Variants in FOXN3 observed in about 807,000 individuals in gnomAD.
FOXN3 encodes forkhead box protein N3.
Under a neutral mutation model 38.4 loss-of-function variants are expected in FOXN3, and 7 were observed. The ratio of observed to expected loss-of-function variants is 0.18; its 90% CI spans 0.10 to 0.34. The LOEUF (loss-of-function observed/expected upper bound fraction) is 0.34. Ranked by LOEUF, FOXN3 falls within the 10% of genes least tolerant of loss-of-function variation. The pLI, the probability that FOXN3 is intolerant of heterozygous loss-of-function variation, is 1.00. For missense variants in FOXN3, 456 were observed against 613.4 expected, an observed-to-expected ratio of 0.74 and a Z score of 2.71; for synonymous variants, 230 against 242.2, an observed-to-expected ratio of 0.95 and a Z score of 0.47.
intron 2 of FOXN3, among the ~76,000 whole-genome samples, chr14:89,376,631 G>A (rs77595069): frequency 0.025 from 3,731 of 152,174 alleles, 156 homozygotes; most frequent in African/African-American, 0.086. Context: ...ACCCTTGGCC[G>A]CTGATCAGAC....
rs1596210394 is a variant in FOXN3, at chr14:89,356,078, A to C, written c.544-5270T>G. Among the ~76,000 whole-genome samples the C allele has an allele frequency of 1.3e-5, 2 of 152,320 alleles. 1 individual carries two copies. The stretch of plus-strand genomic sequence containing the variant: ...AAGAAAAAAGAAAAAAGGACCAAAA[A>C]AAAAAAAGTATGATTTTTAGACTTT... On this transcript the variant is annotated intron_variant, in intron 2 of 5. Transcript: ENST00000557258.
At chr14:89,506,095 C>A (rs539670962) in intron 1 of FOXN3, among the ~76,000 whole-genome samples, 9,864 of 140,752 alleles carry the variant, frequency 0.07, 436 homozygotes, top group African/African-American at 0.17. Context: ...CCCGCCCGGC[C>A]AGCCGCCCCG....
At chr14:89,211,559 G>A (rs1884093902) in intron 4 of FOXN3, among the ~76,000 whole-genome samples, 2 of 152,240 alleles carry the variant, frequency 1.3e-5, no homozygotes, top group African/African-American at 4.8e-5. Flanking sequence ...TAGGTGGTCA[G>A]TCCACAGGAA....
chr14:89,480,540 T>TTCCTTTCCGGAGTCTCTCATTTTC (rs1893305594), intron 1 of FOXN3, among the ~76,000 whole-genome samples: 1 of 152,196 alleles, frequency 6.6e-6, no homozygotes. Context: ...GATTTCTTTT[T>TTCCTTTCCGGAGTCTCTCATTTTC]TCCTTTCCGG....
intron 1 of FOXN3, among the ~76,000 whole-genome samples, chr14:89,607,096 A>T (rs1032515013): frequency 1.3e-5 from 2 of 152,236 alleles, no homozygotes; most frequent in East Asian, 3.9e-4. Context: ...AATATTAAAT[A>T]TCAGTGAGAA....
At chr14:89,520,089 C>G (rs1225678554) in intron 1 of FOXN3, among the ~76,000 whole-genome samples, 1 of 151,066 alleles carries the variant, frequency 6.6e-6, no homozygotes, top group Non-Finnish European at 1.5e-5. Context: ...GCGCGGATCA[C>G]TGCAGCCTCC....
chr14:89,312,679 C>T (rs1470213502), intron 3 of FOXN3, among the ~76,000 whole-genome samples: 2 of 152,172 alleles, frequency 1.3e-5, no homozygotes, highest in African/African-American at 4.8e-5. Flanking sequence ...GTCTTACAAT[C>T]CCACCACACC....
chr14:89,204,052 TACACACAC>T (rs10559428), intron 4 of FOXN3, among the ~76,000 whole-genome samples: 20,849 of 133,500 alleles, frequency 0.16, 1,583 homozygotes, highest in East Asian at 0.2. Flanking sequence ...CATACTCCCT[TACACACAC>T]ACACACACAC....
intron 1 of FOXN3, among the ~76,000 whole-genome samples, chr14:89,545,986 A>C (rs1404706909): frequency 6.6e-6 from 1 of 152,190 alleles, no homozygotes; most frequent in Non-Finnish European, 1.5e-5. Context: ...CTAGGTTCTT[A>C]TTCACAGAGT....
intron 1 of FOXN3, among the ~76,000 whole-genome samples, chr14:89,553,241 A>C (rs938321223): frequency 7.4e-5 from 4 of 53,980 alleles, no homozygotes; most frequent in Middle Eastern, 0.016. Context: ...CCTGTCCCAA[A>C]AAAAAAAAAA....
intron 1 of FOXN3, among the ~76,000 whole-genome samples, chr14:89,482,552 T>C (rs1893354837): frequency 1.3e-5 from 2 of 151,796 alleles, no homozygotes; most frequent in South Asian, 4.2e-4. Context: ...AGTTCAAGGC[T>C]GCAGTAAGCC....
chr14:89,337,513 G>C (rs1195805130), intron 3 of FOXN3, among the ~76,000 whole-genome samples: 1 of 152,212 alleles, frequency 6.6e-6, no homozygotes, highest in African/African-American at 2.4e-5. Context: ...TCAAGTGCCA[G>C]TTCCGCAGAA....
At chr14:89,363,947 A>AATATATATATATATTATATAT in intron 2 of FOXN3, among the ~76,000 whole-genome samples, 1 of 111,366 alleles carries the variant, frequency 9.0e-6, no homozygotes, top group African/African-American at 5.2e-5. Flanking sequence ...CTGTCTGTAA[A>AATATATATATATATTATATAT]ATATATATAT....
rs1887089267 is a variant in FOXN3, at chr14:89,161,169, G to A, written c.*1245C>T. 1 of 152,270 alleles carries A rather than the reference G, an allele frequency of 6.6e-6. No individual in the cohort carries two copies. Among genetic ancestry groups the A allele is most frequent in the East Asian group, 1.9e-4 (1 of 5,192 alleles). The allele number at this position is 152,270 out of a possible 1,614,324, so 9.4% of individuals were successfully genotyped here. A position where few individuals can be genotyped will look rare whatever the true frequency, so the allele number is the denominator to read the frequency against. ...TTTTCTTCAAAGGAATCCATGCATT[G>A]TGGATCAGAAATTTCTGCTGGCTAT... On this transcript the variant is annotated 3_prime_UTR_variant, in exon 6 of 6. Coordinates refer to ENST00000557258, the MANE Select transcript of FOXN3 (RefSeq NM_005197.4).
At chr14:89,587,516 T>C (rs1287771652) in intron 1 of FOXN3, among the ~76,000 whole-genome samples, 2 of 151,798 alleles carry the variant, frequency 1.3e-5, no homozygotes, top group Non-Finnish European at 2.9e-5. Context: ...GGCAACGAAA[T>C]TGAAAAAAAA....
chr14:89,600,658 C>G (rs1387113283), intron 1 of FOXN3, among the ~76,000 whole-genome samples: 2 of 152,136 alleles, frequency 1.3e-5, no homozygotes, highest in Non-Finnish European at 2.9e-5. Context: ...GAAGTAAACC[C>G]TTACTCATTG....
intron 2 of FOXN3, among the ~76,000 whole-genome samples, chr14:89,352,189 T>A (rs1362789000): frequency 2.0e-5 from 3 of 152,320 alleles, no homozygotes; most frequent in East Asian, 3.9e-4. Context: ...TGCTTAAACA[T>A]CAATGTTCTC....
chr14:89,496,659 C>CT (rs1893689529), intron 1 of FOXN3, among the ~76,000 whole-genome samples: 1 of 152,218 alleles, frequency 6.6e-6, no homozygotes, highest in South Asian at 2.1e-4. Flanking sequence ...GATGACATAA[C>CT]ATTTACCATC....
chr14:89,496,711 T>C (rs771337849), intron 1 of FOXN3, among the ~76,000 whole-genome samples: 49 of 152,186 alleles, frequency 3.2e-4, no homozygotes, highest in Non-Finnish European at 5.7e-4. Flanking sequence ...ATTAAATATA[T>C]TCATAATGAC....
Sources: allele counts gnomAD v4.1 joint callset (sites outside exome capture counted in the v4.1 genomes callset), GRCh38; gene constraint gnomAD v4.1.1; transcripts MANE v1.5; gene names NCBI Gene and HGNC (gene_info 2026-07-23, HGNC 2026-07-21).